GFPT1: variants seen among roughly 807,000 people sequenced by gnomAD.
The protein encoded by GFPT1 is glutamine--fructose-6-phosphate transaminase 1, also known as glutamine--fructose-6-phosphate aminotransferase [isomerizing] 1.
GFPT1 carries 40 observed loss-of-function variants against 92.0 expected under a neutral mutation model. The ratio of observed to expected loss-of-function variants is 0.43; its 90% CI spans 0.34 to 0.57. The LOEUF (loss-of-function observed/expected upper bound fraction) is 0.57, where lower values mean the gene tolerates loss of function less well. Among genes scored for constraint, GFPT1 ranks in the 20% least tolerant of loss-of-function variants. The pLI is 0.02. For missense variants in GFPT1, 448 were observed against 869.1 expected (o/e 0.52, Z 6.09); for synonymous variants, 269 against 280.6 (o/e 0.96, Z 0.41).
chr2:69,358,517 A>T (rs1671395760), intron 5 of GFPT1, 54 bp from the exon 6 acceptor site: 2 of 1,236,410 alleles, frequency 1.6e-6, no homozygotes, highest in Non-Finnish European at 2.3e-6. Flanking sequence ...ATGATAAAAA[A>T]ACCTTTTCTA....
intron 1 of GFPT1, among the ~76,000 whole-genome samples, chr2:69,379,250 A>G (rs1558785009): frequency 6.6e-6 from 1 of 152,148 alleles, no homozygotes; most frequent in Non-Finnish European, 1.5e-5. Context: ...TCTACAGGCC[A>G]GGCACAGTAG....
intron 15 of GFPT1, 151 bp downstream of exon 15, chr2:69,337,747 A>T (rs1007747500): frequency 5.6e-6 from 4 of 709,768 alleles, no homozygotes; most frequent in Non-Finnish European, 7.5e-6. Flanking sequence ...AATGATTAGT[A>T]AAATGTGTGA....
At chr2:69,369,142 G>A (rs1671683593) in intron 3 of GFPT1, among the ~76,000 whole-genome samples, 1 of 152,084 alleles carries the variant, frequency 6.6e-6, no homozygotes, top group African/African-American at 2.4e-5. Flanking sequence ...TTATTTGGGT[G>A]TCTGCTTTAC....
intron 6 of GFPT1, among the ~76,000 whole-genome samples, chr2:69,357,867 G>C (rs1671378522): frequency 6.6e-6 from 1 of 152,180 alleles, no homozygotes; most frequent in African/African-American, 2.4e-5. Context: ...GGAAAAATAA[G>C]TAGTTGACTT....
chr2:69,344,365 T>C (rs1671030152), intron 12 of GFPT1, among the ~76,000 whole-genome samples: 1 of 152,188 alleles, frequency 6.6e-6, no homozygotes, highest in African/African-American at 2.4e-5. Flanking sequence ...TGAAAGAAGC[T>C]GCCCAAAGCT....
intron 9 of GFPT1, among the ~76,000 whole-genome samples, chr2:69,353,014 C>A (rs1402341425): frequency 6.6e-6 from 1 of 151,846 alleles, no homozygotes; most frequent in Non-Finnish European, 1.5e-5. Context: ...TCACTGCACT[C>A]CAGCCTGGGC....
chr2:69,380,731 A>G (rs1260652873), intron 1 of GFPT1, among the ~76,000 whole-genome samples: 4 of 151,718 alleles, frequency 2.6e-5, no homozygotes, highest in Non-Finnish European at 5.9e-5. Context: ...CTGTGCTCTG[A>G]CTCCTAGTCT....
chr2:69,375,073 A>C (rs1352061413), intron 1 of GFPT1, among the ~76,000 whole-genome samples: 1 of 152,244 alleles, frequency 6.6e-6, no homozygotes, highest in East Asian at 1.9e-4. Flanking sequence ...GAACGGGATA[A>C]GCAAAGAAGT....
chr2:69,355,270 A>G (rs528367274), intron 7 of GFPT1, among the ~76,000 whole-genome samples: 10 of 151,774 alleles, frequency 6.6e-5, no homozygotes, highest in Non-Finnish European at 1.5e-4. Context: ...TAGAGATGGG[A>G]TTTTGTCATG....
chr2:69,372,571 C>T (rs1227215240), intron 2 of GFPT1, among the ~76,000 whole-genome samples: 1 of 136,730 alleles, frequency 7.3e-6, no homozygotes, highest in Admixed American at 7.3e-5. Context: ...AGACTCACCT[C>T]AAAAAAAAAA....
intron 1 of GFPT1, among the ~76,000 whole-genome samples, chr2:69,377,441 G>A (rs1671901918): frequency 6.8e-6 from 1 of 147,884 alleles, no homozygotes; most frequent in South Asian, 2.1e-4. Context: ...ACGAGGTCAG[G>A]AGTTCAAGAC....
chr2:69,356,567 G>GA lies in GFPT1; in HGVS notation c.544-11dup, dbSNP rs1242206987. On this transcript the variant is annotated splice_polypyrimidine_tract_variant and intron_variant, in intron 6 of 19. Transcript: ENST00000357308. ...GTGCAAAAGCACCTTCCTAGGGAGG[G>GA]AAAAAAATCCATTAGCACTATTTAA... 13 of 1,604,350 alleles carry GA rather than the reference G, an allele frequency of 8.1e-6. No homozygotes were observed. The highest frequency in any genetic ancestry group is 2.2e-5 in the South Asian group (2 of 90,888).
intron 15 of GFPT1, among the ~76,000 whole-genome samples, chr2:69,335,652 G>A (rs913343734): frequency 6.6e-6 from 1 of 152,122 alleles, no homozygotes; most frequent in Non-Finnish European, 1.5e-5. Flanking sequence ...CATGTAACAC[G>A]TTTTAATTAC....
chr2:69,328,319 G>A lies in GFPT1; in HGVS notation c.1845C>T (p.His615=), dbSNP rs756332941. ...GAGCATTCTGACACTTGGCATAAGT[G>A]TGATCTCTCATGATGATCATGATCA... ...MPVIMIIMRD[H]TYAKCQNALQ... is the part of the protein sequence containing the mutation. The change falls in exon 18 of 20, where the codon CAC becomes CAT. Residue 615 remains histidine (H), a synonymous_variant. Transcript: ENST00000357308. 2.8e-5 allele frequency: 45 copies of A among 1,613,764 alleles called. No homozygotes were observed. The highest frequency in any genetic ancestry group is 3.8e-5 in the Non-Finnish European group (45 of 1,179,792).
intron 15 of GFPT1, among the ~76,000 whole-genome samples, chr2:69,330,013 T>A (rs930854385): frequency 6.6e-6 from 1 of 151,962 alleles, no homozygotes; most frequent in Non-Finnish European, 1.5e-5. Flanking sequence ...AGCTTAGGAG[T>A]TCGAGACCAG....
chr2:69,343,218 T>C (rs1377510960), intron 12 of GFPT1, among the ~76,000 whole-genome samples: 1 of 152,218 alleles, frequency 6.6e-6, no homozygotes, highest in Non-Finnish European at 1.5e-5. Context: ...CAACATTCAT[T>C]CAACTGGTCA....
chr2:69,367,697 T>C (rs938230660), intron 3 of GFPT1, among the ~76,000 whole-genome samples: 7 of 152,202 alleles, frequency 4.6e-5, no homozygotes, highest in Non-Finnish European at 7.4e-5. Flanking sequence ...CCCTTACTTA[T>C]AGACATTTAG....
Position 69,353,390 on chromosome 2 carries a change from T to C in GFPT1, c.739+869A>G, listed in dbSNP as rs576639637. ...CCTTTTTACAAATAAAAAAATTGGC[T>C]GGGGGTGGTGGCACATGCCTGTGGT... On this transcript the variant is annotated intron_variant, in intron 9 of 19. Transcript: ENST00000357308. Among the ~76,000 whole-genome samples the C allele has an allele frequency of 5.3e-5, 8 of 152,086 alleles. No homozygotes were observed. In the East Asian group the frequency reaches 1.5e-3, roughly 29 times the overall value.
chr2:69,350,269 G>GA (rs1227131162), intron 9 of GFPT1, 86 bp from the exon 10 acceptor site: 5 of 904,574 alleles, frequency 5.5e-6, no homozygotes, highest in South Asian at 1.5e-5. Context: ...ATAAAATCAA[G>GA]AAAAAATCAT....
Sources: allele counts gnomAD v4.1 joint callset (sites outside exome capture counted in the v4.1 genomes callset), GRCh38; gene constraint gnomAD v4.1.1; transcripts MANE v1.5; gene names NCBI Gene and HGNC (gene_info 2026-07-23, HGNC 2026-07-21).